The following NAPB variants were observed in gnomAD, a reference collection of about 807,000 sequenced individuals.
The protein encoded by NAPB is NSF attachment protein beta.
NAPB carries 26 observed loss-of-function variants against 44.7 expected under a neutral mutation model. The ratio of observed to expected loss-of-function variants is 0.58; its 90% CI spans 0.43 to 0.81. The LOEUF (loss-of-function observed/expected upper bound fraction) is 0.81. Ranked by LOEUF, NAPB falls within the 30% of genes least tolerant of loss-of-function variation. NAPB has a pLI of 0.00. For missense variants in NAPB, 315 were observed against 356.4 expected (o/e 0.88, Z 0.94); for synonymous variants, 120 against 116.8 (o/e 1.03, Z -0.18).
intron 7 of NAPB, among the ~76,000 whole-genome samples, chr20:23,387,665 G>A (rs967443798): frequency 6.6e-6 from 1 of 151,982 alleles, no homozygotes; most frequent in African/African-American, 2.4e-5. Context: ...AAAATACTTT[G>A]GAGTATATTT....
intron 9 of NAPB, 115 bp downstream of exon 9, chr20:23,379,752 G>T: frequency 1.3e-6 from 1 of 768,014 alleles, no homozygotes; most frequent in Non-Finnish European, 2.1e-6. Context: ...AAGTACCAGG[G>T]CCCCTCAGTT....
intron 2 of NAPB, among the ~76,000 whole-genome samples, chr20:23,398,501 CTGCATGTGCCA>C (rs1471721472): frequency 3.9e-5 from 6 of 152,058 alleles, no homozygotes; most frequent in Admixed American, 2.6e-4. Flanking sequence ...TCCTGAGTAG[CTGCATGTGCCA>C]CCACACCTGG....
At chr20:23,390,167 T>A in intron 6 of NAPB, 42 bp downstream of exon 6, 6 of 1,552,654 alleles carry the variant, frequency 3.9e-6, no homozygotes, top group Non-Finnish European at 5.3e-6. Flanking sequence ...TTATCACACA[T>A]AATAAAACCC....
At chr20:23,411,638 T>TA (rs35311017) in intron 1 of NAPB, among the ~76,000 whole-genome samples, 31,616 of 150,818 alleles carry the variant, frequency 0.21, 4,288 homozygotes, top group East Asian at 0.47. Context: ...ACAAACAGCT[T>TA]AAAAAAAAAG....
chr20:23,400,431 G>A (rs1441107356), intron 2 of NAPB, among the ~76,000 whole-genome samples: 8 of 152,080 alleles, frequency 5.3e-5, no homozygotes, highest in South Asian at 2.1e-4. Context: ...CAGGAGAATC[G>A]CTTAAACTCG....
intron 1 of NAPB, among the ~76,000 whole-genome samples, chr20:23,412,345 A>G (rs1985712811): frequency 6.6e-6 from 1 of 152,220 alleles, no homozygotes; most frequent in Admixed American, 6.5e-5. Flanking sequence ...CTCTTACATA[A>G]TACAGTCCTA....
At position 23,402,505 on chromosome 20, in the gene NAPB, C is replaced by A. The variant is rs766270285; in HGVS notation, c.178+488G>T. On this transcript the variant is annotated intron_variant, in intron 2 of 10. Transcript: ENST00000377026. Reference sequence around the variant, plus strand: ...TTAATGTAAATCCATCCCCCTCCCCCCAAACCCCACTTTCAGTTCTCAGTG... The same window carrying A: ...TTAATGTAAATCCATCCCCCTCCCCACAAACCCCACTTTCAGTTCTCAGTG... 7.2e-5 allele frequency among the ~76,000 whole-genome samples: 11 copies of A among 152,258 alleles called. No homozygotes were observed. The East Asian group carries it at 9.6e-4, about 13-fold the overall frequency.
intron 2 of NAPB, among the ~76,000 whole-genome samples, chr20:23,397,508 A>T (rs1049747107): frequency 3.9e-5 from 6 of 152,226 alleles, no homozygotes; most frequent in African/African-American, 1.4e-4. Flanking sequence ...CCACTAACAT[A>T]TAATAAACAT....
At chr20:23,415,512 T>C (rs1196378151) in intron 1 of NAPB, among the ~76,000 whole-genome samples, 1 of 152,060 alleles carries the variant, frequency 6.6e-6, no homozygotes, top group Non-Finnish European at 1.5e-5. Context: ...CAGAATCACT[T>C]GAACCCAGGA....
intron 5 of NAPB, among the ~76,000 whole-genome samples, chr20:23,392,390 G>C (rs1984028167): frequency 1.3e-5 from 2 of 152,176 alleles, no homozygotes; most frequent in Non-Finnish European, 2.9e-5. Context: ...GTGAAGGTCA[G>C]GCATGATGGT....
chr20:23,377,640 T>C (rs866023024), intron 10 of NAPB, among the ~76,000 whole-genome samples, 154 bp from the exon 11 acceptor site: 1 of 152,368 alleles, frequency 6.6e-6, no homozygotes, highest in Middle Eastern at 3.4e-3. Flanking sequence ...ACTTTCTTCA[T>C]TAAAAAATTG....
chr20:23,411,257 C>G (rs1332631208), intron 1 of NAPB, among the ~76,000 whole-genome samples: 1 of 152,156 alleles, frequency 6.6e-6, no homozygotes, highest in African/African-American at 2.4e-5. Context: ...GAAACATATC[C>G]TAGTAAGATG....
chr20:23,409,303 C>A (rs1377097291), intron 1 of NAPB, among the ~76,000 whole-genome samples: 3 of 152,206 alleles, frequency 2.0e-5, no homozygotes, highest in Non-Finnish European at 4.4e-5. Flanking sequence ...AGAAAATAAT[C>A]AGAGACATTT....
chr20:23,397,082 T>C lies in NAPB; in HGVS notation c.285A>G (p.Ala95=). The change falls in exon 3 of 11, where the codon GCA becomes GCG. Residue 95 remains alanine (A), a synonymous_variant. Transcript: ENST00000377026. ...FVDAGNAYKK[A]DPQEAINCLN... is the part of the protein sequence containing the mutation. ...GCCTGGCTGTCTTACCTTGGGGATC[T>C]GCCTTTTTGTAAGCATTTCCAGCAT... 6.2e-7 allele frequency: 1 copy of C among 1,612,926 alleles called. No homozygotes were observed. Among genetic ancestry groups the C allele is most frequent in the Non-Finnish European group, 8.5e-7 (1 of 1,179,030 alleles).
intron 5 of NAPB, among the ~76,000 whole-genome samples, chr20:23,393,964 G>A (rs1984161509): frequency 6.6e-6 from 1 of 152,192 alleles, no homozygotes; most frequent in Non-Finnish European, 1.5e-5. Flanking sequence ...AAGGAGGCCA[G>A]GATGGCCATG....
At chr20:23,385,152 T>C (rs1407536303) in intron 7 of NAPB, among the ~76,000 whole-genome samples, 1 of 151,602 alleles carries the variant, frequency 6.6e-6, no homozygotes, top group Admixed American at 6.6e-5. Context: ...AAGATCCAAC[T>C]ACAAGAAACT....
At position 23,375,528 on chromosome 20, in the gene NAPB, C is replaced by G. The variant is rs947740845; in HGVS notation, c.*1848G>C. 7 of 152,172 alleles carry G rather than the reference C, an allele frequency of 4.6e-5. No individual in the cohort carries two copies. Among genetic ancestry groups the G allele is most frequent in the Non-Finnish European group, 1.0e-4 (7 of 68,028 alleles). 9.4% of individuals were successfully genotyped at this position (152,172 alleles called of 1,614,324 possible). A position where few individuals can be genotyped will look rare whatever the true frequency, so the allele number is the denominator to read the frequency against. On this transcript the variant is annotated 3_prime_UTR_variant, in exon 11 of 11. Coordinates refer to ENST00000377026, the MANE Select transcript of NAPB (RefSeq NM_022080.3). ...TATATTATTAGGTGGGGAAACAAAACCCCACTTTTCTCTCTGATCATTTTT... is the reference window on the plus strand; with the variant it reads ...TATATTATTAGGTGGGGAAACAAAAGCCCACTTTTCTCTCTGATCATTTTT...
chr20:23,381,185 A>G (rs774581066), intron 8 of NAPB, 28 bp downstream of exon 8: 2 of 1,461,578 alleles, frequency 1.4e-6, no homozygotes, highest in Non-Finnish European at 1.9e-6. Context: ...GGGTGAAATC[A>G]GTCAATCAAT....
chr20:23,404,572 C>A (rs891866559), intron 1 of NAPB, among the ~76,000 whole-genome samples: 1 of 152,066 alleles, frequency 6.6e-6, no homozygotes, highest in Non-Finnish European at 1.5e-5. Context: ...TTTTGGCATG[C>A]GTAAACTGAA....
Sources: gnomAD v4.1 joint callset for allele counts (sites outside exome capture counted in the v4.1 genomes callset) on GRCh38, gnomAD v4.1.1 for gene constraint, MANE v1.5 for transcripts, NCBI Gene and HGNC (gene_info 2026-07-23, HGNC 2026-07-21) for gene names.